Variants in WAC observed in about 807,000 individuals in gnomAD.
The protein encoded by WAC is WW domain containing adaptor with coiled-coil, also known as WW domain-containing adapter protein with coiled-coil.
Under a neutral mutation model 79.6 loss-of-function variants are expected in WAC, and 11 were observed. The ratio of observed to expected loss-of-function variants is 0.14; its 90% CI spans 0.09 to 0.23. The LOEUF (loss-of-function observed/expected upper bound fraction) is 0.23, where lower values mean the gene tolerates loss of function less well. Ranked by LOEUF, WAC falls within the 10% of genes least tolerant of loss-of-function variation. WAC has a pLI of 1.00. For missense variants in WAC, 728 were observed against 773.5 expected (o/e 0.94, Z 0.70); for synonymous variants, 304 against 276.9 (o/e 1.10, Z -0.97).
intron 3 of WAC, among the ~76,000 whole-genome samples, chr10:28,546,706 AGAAT>A (rs1021744338): frequency 7.2e-5 from 11 of 152,182 alleles, no homozygotes; most frequent in African/African-American, 2.7e-4. Flanking sequence ...TTGGAAAAAC[AGAAT>A]GAACTCTCCC....
intron 3 of WAC, among the ~76,000 whole-genome samples, chr10:28,558,424 A>G (rs1838117930): frequency 6.6e-6 from 1 of 152,018 alleles, no homozygotes; most frequent in South Asian, 2.1e-4. Context: ...TATTTGGACT[A>G]AGTGGGAAGT....
intron 12 of WAC, among the ~76,000 whole-genome samples, chr10:28,616,854 G>C (rs1841490501): frequency 6.6e-6 from 1 of 152,190 alleles, no homozygotes; most frequent in African/African-American, 2.4e-5. Flanking sequence ...AAGGCAGGTG[G>C]ATCACTTGAG....
At chr10:28,608,091 C>A (rs773179742) in intron 7 of WAC, 95 bp from the exon 8 acceptor site, 1 of 1,413,984 alleles carries the variant, frequency 7.1e-7, no homozygotes, top group Non-Finnish European at 9.7e-7. Context: ...AGATTACTTA[C>A]GTTAGGTGCC....
chr10:28,546,867 C>CT (rs76863753), intron 3 of WAC, among the ~76,000 whole-genome samples: 231 of 142,130 alleles, frequency 1.6e-3, no homozygotes, highest in African/African-American at 4.2e-3. Context: ...TTTGATTTGT[C>CT]TTTTTTTTTT....
At chr10:28,541,450 A>C (rs1837042473) in intron 3 of WAC, among the ~76,000 whole-genome samples, 1 of 96,252 alleles carries the variant, frequency 1.0e-5, no homozygotes, top group Non-Finnish European at 2.1e-5. Context: ...TTTTTTTAAG[A>C]CAGTCTCACT....
intron 3 of WAC, among the ~76,000 whole-genome samples, chr10:28,543,449 C>T (rs1183085952): frequency 6.6e-6 from 1 of 152,220 alleles, no homozygotes; most frequent in Non-Finnish European, 1.5e-5. Flanking sequence ...TTAACATTTA[C>T]AGCACATTTC....
intron 3 of WAC, chr10:28,537,756 T>C (rs1447873211): frequency 6.6e-6 from 1 of 152,246 alleles, no homozygotes; most frequent in Non-Finnish European, 1.5e-5. Flanking sequence ...CACTTACTTT[T>C]TCTGTACCCA....
At chr10:28,592,952 A>G (rs1444224689) in intron 6 of WAC, among the ~76,000 whole-genome samples, 1 of 152,192 alleles carries the variant, frequency 6.6e-6, no homozygotes, top group African/African-American at 2.4e-5. Context: ...GTATACCTTC[A>G]TTGACAAATA....
chr10:28,616,724 C>T (rs1841484664), intron 12 of WAC, among the ~76,000 whole-genome samples: 1 of 152,184 alleles, frequency 6.6e-6, no homozygotes, highest in Admixed American at 6.5e-5. Context: ...AGTGATGTGG[C>T]TCAAAGCCAG....
At chr10:28,559,382 GTGTT>G (rs1378296971) in intron 3 of WAC, among the ~76,000 whole-genome samples, 2 of 152,128 alleles carry the variant, frequency 1.3e-5, no homozygotes, top group African/African-American at 4.8e-5. Context: ...TATGGTGAGA[GTGTT>G]TGTTTAAACA....
intron 3 of WAC, among the ~76,000 whole-genome samples, chr10:28,554,705 A>G (rs1030515505): frequency 1.3e-5 from 2 of 152,114 alleles, no homozygotes; most frequent in Admixed American, 6.5e-5. Context: ...AAAATCTTTT[A>G]TTGCCCTTAA....
chr10:28,574,701 C>T (rs1179998132), intron 3 of WAC, among the ~76,000 whole-genome samples: 1 of 152,214 alleles, frequency 6.6e-6, no homozygotes, highest in African/African-American at 2.4e-5. Flanking sequence ...GCCTCAGCCT[C>T]CCAAAGTGCT....
At chr10:28,611,693 T>C (rs1841246651) in intron 9 of WAC, 81 bp from the exon 10 acceptor site, 1 of 1,525,250 alleles carries the variant, frequency 6.6e-7, no homozygotes, top group Admixed American at 1.9e-5. Context: ...ACAAATATCT[T>C]TGCCACATAT....
chr10:28,541,420 G>GTTTTTTT (rs869099181), intron 3 of WAC, among the ~76,000 whole-genome samples: 1 of 49,220 alleles, frequency 2.0e-5, no homozygotes, highest in Non-Finnish European at 3.3e-5. Context: ...TGTGTGTTTT[G>GTTTTTTT]TTTTTTTTTT....
rs200483755 is a variant in WAC at position 28,583,603 on chromosome 10, C to CT, written c.381+107dup. The CT allele has an allele frequency of 5.1e-3, 4,014 of 787,428 alleles. 70 individuals carry two copies. The African/African-American group carries it at 0.057, about 11-fold the overall frequency. 48.8% of individuals were successfully genotyped at this position (787,428 alleles called of 1,614,324 possible). A position where few individuals can be genotyped will look rare whatever the true frequency, so the allele number is the denominator to read the frequency against. The stretch of plus-strand genomic sequence containing the variant: ...TGGCAAGTCTTGTAAAATCTAATGT[C>CT]TTTTTTTTTAAAAATGTTTCAATCA... On this transcript the variant is annotated intron_variant, in intron 4 of 13. Coordinates refer to ENST00000354911, the MANE Select transcript of WAC (RefSeq NM_016628.5).
At chr10:28,614,180 A>G (rs1225519692) in intron 10 of WAC, among the ~76,000 whole-genome samples, 2 of 151,466 alleles carry the variant, frequency 1.3e-5, no homozygotes, top group Non-Finnish European at 2.9e-5. Flanking sequence ...ATCTCCGCTC[A>G]CTGCAAGCTC....
intron 7 of WAC, among the ~76,000 whole-genome samples, chr10:28,607,882 C>T (rs1039275616): frequency 2.6e-5 from 4 of 152,302 alleles, no homozygotes; most frequent in South Asian, 4.1e-4. Flanking sequence ...TTTGAGATAG[C>T]ATTGGTGGTA....
At chr10:28,609,385 TC>T (rs1841115907) in intron 8 of WAC, among the ~76,000 whole-genome samples, 1 of 152,116 alleles carries the variant, frequency 6.6e-6, no homozygotes, top group Non-Finnish European at 1.5e-5. Flanking sequence ...AATAAAGTGA[TC>T]AATTTTTATG....
intron 3 of WAC, among the ~76,000 whole-genome samples, chr10:28,548,314 ACT>A (rs1296151135): frequency 2.7e-5 from 4 of 149,904 alleles, no homozygotes; most frequent in African/African-American, 7.4e-5. Context: ...CATCTTCCAC[ACT>A]CTTTTTTTCT....
Sources: allele counts gnomAD v4.1 joint callset (sites outside exome capture counted in the v4.1 genomes callset), GRCh38; gene constraint gnomAD v4.1.1; transcripts MANE v1.5; gene names NCBI Gene and HGNC (gene_info 2026-07-23, HGNC 2026-07-21).